The following KANTR variants were observed in gnomAD, a reference collection of about 807,000 sequenced individuals.
KANTR encodes KDM5C adjacent transcript.
intron 2 of KANTR, among the ~76,000 whole-genome samples, chrX:53,115,527 A>C (rs782674714): frequency 2.7e-5 from 3 of 111,899 alleles, no homozygotes; most frequent in African/African-American, 9.7e-5. Flanking sequence ...ACTGCCAGGC[A>C]GGCCTGGAGT....
intron 2 of KANTR, among the ~76,000 whole-genome samples, chrX:53,120,336 C>T (rs1351153995): frequency 1.8e-5 from 2 of 111,933 alleles, no homozygotes; most frequent in East Asian, 5.6e-4. Flanking sequence ...ACGCTCGGCC[C>T]CCCTTTGTGT....
downstream of KANTR, chrX:53,143,387 G>A: frequency 1.4e-6 from 1 of 740,601 alleles, no homozygotes; most frequent in Non-Finnish European, 2.0e-6. Context: ...TCCAGACGCA[G>A]GATGGCGTGG....
chrX:53,101,549 T>C (rs185642877), intron 2 of KANTR, among the ~76,000 whole-genome samples: 1 of 112,580 alleles, frequency 8.9e-6, no homozygotes, highest in Non-Finnish European at 1.9e-5. Context: ...CAATTTGTTA[T>C]GTCTTGGATA....
intron 2 of KANTR, among the ~76,000 whole-genome samples, chrX:53,101,713 C>G (rs1037404580): frequency 9.0e-6 from 1 of 110,601 alleles, no homozygotes; most frequent in Admixed American, 9.6e-5. Context: ...GATCACTGAT[C>G]TAGGCGGGGT....
chrX:53,129,065 C>CTTTTTT (rs10550250), downstream of KANTR, among the ~76,000 whole-genome samples: 8 of 55,459 alleles, frequency 1.4e-4, no homozygotes, highest in African/African-American at 4.0e-4. Context: ...TCTTCTTCTT[C>CTTTTTT]TTTTTTTTTT....
chrX:53,121,456 C>T (rs1213344304), intron 2 of KANTR, among the ~76,000 whole-genome samples: 1 of 112,054 alleles, frequency 8.9e-6, no homozygotes, highest in Non-Finnish European at 1.9e-5. Context: ...ACTACCTAAA[C>T]ATCAGACTTT....
downstream of KANTR, among the ~76,000 whole-genome samples, chrX:53,145,455 G>T (rs781883022): frequency 8.9e-6 from 1 of 112,146 alleles, no homozygotes; most frequent in African/African-American, 3.2e-5. Context: ...GAGGCTGGGG[G>T]AGGGGCACCC....
downstream of KANTR, among the ~76,000 whole-genome samples, chrX:53,145,313 C>T (rs188198067): frequency 5.4e-4 from 60 of 111,891 alleles, no homozygotes; most frequent in East Asian, 0.012. Context: ...CCTAATACTG[C>T]GCTTTTCCAA....
At chrX:53,129,929 C>T (rs1429672525), downstream of KANTR, among the ~76,000 whole-genome samples, 2 of 109,386 alleles carry the variant, frequency 1.8e-5, no homozygotes, top group African/African-American at 6.6e-5. Flanking sequence ...TGCAGTGGCG[C>T]GATCTCATCT....
chrX:53,129,413 A>G (rs2146750522), downstream of KANTR, among the ~76,000 whole-genome samples: 1 of 111,101 alleles, frequency 9.0e-6, no homozygotes, highest in South Asian at 3.8e-4. Flanking sequence ...CTTGAAATAC[A>G]TACAGAACTT....
At chrX:53,136,654 C>T (rs1309367937) in intron 2 of KANTR, among the ~76,000 whole-genome samples, 3 of 73,160 alleles carry the variant, frequency 4.1e-5, no homozygotes, top group Non-Finnish European at 8.0e-5. Context: ...CTCAGCCTCC[C>T]GAGTAGCTGG....
intron 2 of KANTR, among the ~76,000 whole-genome samples, chrX:53,135,354 A>G (rs1556817483): frequency 9.0e-6 from 1 of 111,202 alleles, no homozygotes; most frequent in Admixed American, 9.5e-5. Context: ...GTCTGCTTGG[A>G]TCACCCCTAG....
At chrX:53,145,779 C>T (rs946400255), downstream of KANTR, among the ~76,000 whole-genome samples, 6 of 111,910 alleles carry the variant, frequency 5.4e-5, no homozygotes, top group African/African-American at 1.3e-4. Flanking sequence ...CTCACACGGC[C>T]GGGTACTTCT....
chrX:53,112,324 T>C (rs1284196897), intron 2 of KANTR, among the ~76,000 whole-genome samples: 2 of 112,275 alleles, frequency 1.8e-5, no homozygotes, highest in African/African-American at 6.5e-5. Context: ...TATGGCTGAG[T>C]AGTATTCCAT....
intron 2 of KANTR, among the ~76,000 whole-genome samples, chrX:53,100,570 C>T (rs1175995939): frequency 2.7e-5 from 3 of 111,220 alleles, no homozygotes; most frequent in African/African-American, 6.5e-5. Flanking sequence ...GAGGCAGAGG[C>T]GGGCGGGTCA....
At chrX:53,138,155 G>A (rs1358844032) in intron 2 of KANTR, among the ~76,000 whole-genome samples, 1 of 108,794 alleles carries the variant, frequency 9.2e-6, no homozygotes, top group Non-Finnish European at 1.9e-5. Flanking sequence ...CACAACCTCC[G>A]CCTCCCAGGT....
intron 1 of KANTR, among the ~76,000 whole-genome samples, chrX:53,096,040 C>T (rs993418599): frequency 2.7e-5 from 3 of 110,922 alleles, no homozygotes; most frequent in African/African-American, 6.6e-5. Flanking sequence ...CCACAAGGCT[C>T]AGGCCCTTGC....
intron 2 of KANTR, among the ~76,000 whole-genome samples, chrX:53,100,262 CCT>C (rs1556811603): frequency 9.1e-6 from 1 of 109,716 alleles, no homozygotes; most frequent in African/African-American, 3.3e-5. Flanking sequence ...GGACGGATCA[CCT>C]GAGGTTGGGA....
At chrX:53,095,922 CTCTA>C (rs1406438531) in intron 1 of KANTR, among the ~76,000 whole-genome samples, 2 of 111,193 alleles carry the variant, frequency 1.8e-5, no homozygotes, top group African/African-American at 3.3e-5. Flanking sequence ...CCCTTGCTCA[CTCTA>C]TCTACCCATG....
Sources: allele counts gnomAD v4.1 joint callset (sites outside exome capture counted in the v4.1 genomes callset), GRCh38; gene constraint gnomAD v4.1.1; transcripts MANE v1.5; gene names NCBI Gene and HGNC (gene_info 2026-07-23, HGNC 2026-07-21).